Variants in NTNG1 observed in about 807,000 individuals in gnomAD.
The protein encoded by NTNG1 is netrin-G1.
NTNG1 carries 16 observed loss-of-function variants against 54.0 expected under a neutral mutation model. The observed-to-expected ratio is 0.30, with a 90% CI of 0.20 to 0.45. The LOEUF (loss-of-function observed/expected upper bound fraction) is 0.45, where lower values mean the gene tolerates loss of function less well. Among genes scored for constraint, NTNG1 ranks in the 20% least tolerant of loss-of-function variants. The probability of loss-of-function intolerance (pLI) is 1.00; values close to 1 mark genes in which losing one functional copy is unlikely to be tolerated. For synonymous variants in NTNG1, 255 were observed against 263.1 expected, an observed-to-expected ratio of 0.97 and a Z score of 0.30; for missense variants, 530 against 678.7, an observed-to-expected ratio of 0.78 and a Z score of 2.43.
chr1:107,286,227 A>G (rs1311475164), intron 2 of NTNG1, among the ~76,000 whole-genome samples: 5 of 152,128 alleles, frequency 3.3e-5, no homozygotes, highest in Non-Finnish European at 7.4e-5. Flanking sequence ...GGCTGAAGGT[A>G]TGGGAGGATC....
intron 7 of NTNG1, among the ~76,000 whole-genome samples, chr1:107,457,910 A>G (rs756676128): frequency 2.6e-5 from 4 of 152,056 alleles, no homozygotes; most frequent in Non-Finnish European, 5.9e-5. Flanking sequence ...TTTAATTTGT[A>G]TATCCCAGCT....
intron 2 of NTNG1, among the ~76,000 whole-genome samples, chr1:107,219,781 C>T (rs937590112): frequency 1.3e-5 from 2 of 152,134 alleles, no homozygotes; most frequent in African/African-American, 4.8e-5. Flanking sequence ...ATACCAGCAC[C>T]TACTTGGTGG....
intron 2 of NTNG1, among the ~76,000 whole-genome samples, chr1:107,212,575 T>G (rs1375061383): frequency 6.6e-6 from 1 of 152,172 alleles, no homozygotes; most frequent in Non-Finnish European, 1.5e-5. Context: ...ACTGAACATA[T>G]GAAAAGTTTA....
rs1015106389 is a variant in NTNG1, at chr1:107,421,228, A to C, written c.1088-9522A>C. On this transcript the variant is annotated intron_variant, in intron 5 of 7. Transcript: ENST00000370068. Reference sequence around the variant, plus strand: ...CTGTATGAATCTGGAATATCTGTGAAGTGTACCCATCAGCTTATTGGTGAG... The same window carrying C: ...CTGTATGAATCTGGAATATCTGTGACGTGTACCCATCAGCTTATTGGTGAG... 6 of 937,006 alleles carry C rather than the reference A, an allele frequency of 6.4e-6. No homozygotes were observed. The African/African-American group carries it at 9.7e-5, about 15-fold the overall frequency. 58.0% of individuals were successfully genotyped at this position (937,006 alleles called of 1,614,324 possible).
chr1:107,403,819 A>G (rs539445520), intron 4 of NTNG1, among the ~76,000 whole-genome samples: 1 of 152,022 alleles, frequency 6.6e-6, no homozygotes, highest in East Asian at 1.9e-4. Flanking sequence ...AAAGGGATGG[A>G]CTTGGACAAG....
intron 2 of NTNG1, among the ~76,000 whole-genome samples, chr1:107,264,617 T>G (rs1374350065): frequency 4.6e-5 from 7 of 152,268 alleles, no homozygotes; most frequent in Admixed American, 1.3e-4. Flanking sequence ...CTTATTTCTT[T>G]ATAAATTGGC....
chr1:107,447,333 G>C (rs1191998228), intron 7 of NTNG1, among the ~76,000 whole-genome samples: 1 of 152,014 alleles, frequency 6.6e-6, no homozygotes, highest in Non-Finnish European at 1.5e-5. Context: ...GTTTACAGAA[G>C]AGCTTGTTAT....
intron 3 of NTNG1, among the ~76,000 whole-genome samples, chr1:107,386,167 T>TATATATATATA (rs1557954792): frequency 1.7e-5 from 1 of 59,758 alleles, no homozygotes; most frequent in Non-Finnish European, 3.6e-5. Context: ...ATATATATAT[T>TATATATATATA]TTTTTTTTTT....
intron 2 of NTNG1, among the ~76,000 whole-genome samples, chr1:107,181,062 C>A (rs1469787958): frequency 6.6e-6 from 1 of 152,162 alleles, no homozygotes; most frequent in Non-Finnish European, 1.5e-5. Flanking sequence ...TTATGCCGAA[C>A]TCTTTTCTAA....
chr1:107,418,555 C>T (rs1181611795), intron 5 of NTNG1: 17 of 1,537,780 alleles, frequency 1.1e-5, no homozygotes, highest in Non-Finnish European at 1.5e-5. Flanking sequence ...AAATAACATA[C>T]CCTGATTTTT....
chr1:107,272,048 A>T (rs1162214893), intron 2 of NTNG1, among the ~76,000 whole-genome samples: 4 of 152,198 alleles, frequency 2.6e-5, no homozygotes, highest in Non-Finnish European at 4.4e-5. Context: ...TTTAAAAGTC[A>T]AATGGAAATC....
intron 3 of NTNG1, among the ~76,000 whole-genome samples, chr1:107,331,194 C>T (rs1668260020): frequency 6.6e-6 from 1 of 151,956 alleles, no homozygotes; most frequent in Admixed American, 6.6e-5. Context: ...TTTTTCCAAG[C>T]ATTATGCTCT....
intron 2 of NTNG1, among the ~76,000 whole-genome samples, chr1:107,276,890 T>C (rs1664514232): frequency 6.6e-6 from 1 of 151,924 alleles, no homozygotes; most frequent in Non-Finnish European, 1.5e-5. Context: ...TTATCTTTGA[T>C]GGTGAATAGA....
intron 2 of NTNG1, among the ~76,000 whole-genome samples, chr1:107,315,151 TTA>T (rs1667264079): frequency 6.6e-6 from 1 of 152,188 alleles, no homozygotes; most frequent in Non-Finnish European, 1.5e-5. Context: ...TTCTTCATCT[TTA>T]CCTCATATCT....
intron 3 of NTNG1, among the ~76,000 whole-genome samples, chr1:107,376,052 A>G (rs1027254159): frequency 6.6e-6 from 1 of 152,224 alleles, no homozygotes; most frequent in Non-Finnish European, 1.5e-5. Flanking sequence ...TTTATTGAGC[A>G]CTTATATTGT....
chr1:107,431,419 A>T (rs904765576), intron 6 of NTNG1, among the ~76,000 whole-genome samples: 1 of 152,188 alleles, frequency 6.6e-6, no homozygotes, highest in Admixed American at 6.5e-5. Flanking sequence ...TGGAAATGTA[A>T]AAGTTTGTCT....
At chr1:107,468,070 C>G (rs949207966) in intron 7 of NTNG1, among the ~76,000 whole-genome samples, 3 of 152,092 alleles carry the variant, frequency 2.0e-5, no homozygotes, top group South Asian at 4.1e-4. Context: ...GTTATGGTGA[C>G]AGCAAGGCCA....
intron 3 of NTNG1, among the ~76,000 whole-genome samples, chr1:107,358,208 G>C (rs970638068): frequency 6.6e-6 from 1 of 152,014 alleles, no homozygotes; most frequent in Non-Finnish European, 1.5e-5. Flanking sequence ...AAATGCAATT[G>C]AGAGAAAATA....
intron 2 of NTNG1, among the ~76,000 whole-genome samples, chr1:107,169,467 G>A (rs528860413): frequency 6.6e-6 from 1 of 151,944 alleles, no homozygotes; most frequent in Non-Finnish European, 1.5e-5. Context: ...CTCATTTGCT[G>A]GTCCTTAGAG....
Sources: gnomAD v4.1 joint callset for allele counts (sites outside exome capture counted in the v4.1 genomes callset) on GRCh38, gnomAD v4.1.1 for gene constraint, MANE v1.5 for transcripts, NCBI Gene and HGNC (gene_info 2026-07-23, HGNC 2026-07-21) for gene names.